Variants in FBXL14 observed in about 807,000 individuals in gnomAD.
FBXL14 encodes F-box and leucine rich repeat protein 14.
Under a neutral mutation model 24.5 loss-of-function variants are expected in FBXL14, and 11 were observed. That is an observed-to-expected ratio of 0.45 (90% CI 0.28 to 0.74). The LOEUF is 0.74. Among genes scored for constraint, FBXL14 ranks in the 30% least tolerant of loss-of-function variants. The pLI, the probability that FBXL14 is intolerant of heterozygous loss-of-function variation, is 0.12. For missense variants in FBXL14, 384 were observed against 545.6 expected (o/e 0.70, Z 2.95); for synonymous variants, 294 against 240.4 (o/e 1.22, Z -2.06).
chr12:1,585,074 T>C (rs2094473801), intron 1 of FBXL14, among the ~76,000 whole-genome samples: 1 of 152,194 alleles, frequency 6.6e-6, no homozygotes. Context: ...TGACTACGTC[T>C]CAGAAAGCCT....
Position 1,593,601 on chromosome 12 carries a change from T to C in FBXL14, c.466A>G (p.Ile156Val). ...EVLELGGCSN[I>V]TNTGLLLIAW... Reference sequence around the variant, plus strand: ...ATGAGCAGAAGGCCAGTGTTGGTGATGTTGCTGCAACCTCCCAGCTCCAGC... The same window carrying C: ...ATGAGCAGAAGGCCAGTGTTGGTGACGTTGCTGCAACCTCCCAGCTCCAGC... The change falls in exon 1 of 2, where the codon ATC becomes GTC. Residue 156 changes from isoleucine to valine, a missense_variant. Coordinates refer to ENST00000339235, the MANE Select transcript of FBXL14 (RefSeq NM_152441.3). This position sits in a 1 kb window ranked among gnomAD's most constrained non-coding sequence, Gnocchi z 7.4. 6.2e-7 allele frequency: 1 copy of C among 1,614,190 alleles called. No homozygotes were observed. The highest frequency in any genetic ancestry group is 8.5e-7 in the Non-Finnish European group (1 of 1,180,018).
rs1375616249 is a variant in FBXL14 at position 1,594,045 on chromosome 12, G to C, written c.22C>G (p.Leu8Val). The C allele has an allele frequency of 1.3e-6, 2 of 1,534,918 alleles. No individual in the cohort carries two copies. The highest frequency in any genetic ancestry group is 1.7e-6 in the Non-Finnish European group (2 of 1,148,762). The change falls in exon 1 of 2, where the codon CTG (leucine) becomes GTG (valine). Residue 8 changes from leucine to valine, a missense_variant. Leu to Val is a conservative substitution (Grantham distance 32, BLOSUM62 1). Transcript: ENST00000339235. ...ATCATGGCCAGCAGCTCCGGGAACA[G>C]GCATGAGATGTGGGTCTCCATCTTC... The part of the protein sequence containing the change: METHISC[L>V]FPELLAMIFG...
At chr12:1,575,505 A>T (rs2094454156) in intron 1 of FBXL14, among the ~76,000 whole-genome samples, 1 of 152,120 alleles carries the variant, frequency 6.6e-6, no homozygotes, top group Non-Finnish European at 1.5e-5. Flanking sequence ...TCCCGTGGGG[A>T]AAACACCCTC....
upstream of FBXL14, among the ~76,000 whole-genome samples, chr12:1,594,810 T>C (rs369427877): frequency 2.3e-3 from 349 of 151,082 alleles, 3 homozygotes; most frequent in East Asian, 0.02. Context: ...CGGCCCCGGC[T>C]CCGCCGCCCT....
At chr12:1,581,850 C>A (rs557387264) in intron 1 of FBXL14, among the ~76,000 whole-genome samples, 1 of 152,298 alleles carries the variant, frequency 6.6e-6, no homozygotes, top group Admixed American at 6.5e-5. Context: ...CAGGGCCGGG[C>A]CTGGTGACTC....
At position 1,566,674 on chromosome 12, in the gene FBXL14, G is replaced by C; in HGVS notation, c.*74C>G. The stretch of plus-strand genomic sequence containing the variant: ...AGGGAAACCTGAGCTGTCATCACCA[G>C]AGTGCCGGAGGCGCAGAGCGGGCAA... On this transcript the variant is annotated 3_prime_UTR_variant, in exon 2 of 2. Transcript: ENST00000339235. The C allele has an allele frequency of 2.6e-6, 2 of 774,228 alleles. No homozygotes were observed. The highest frequency in any genetic ancestry group is 4.9e-5 in the East Asian group (2 of 41,110). 48.0% of individuals were successfully genotyped at this position (774,228 alleles called of 1,614,324 possible).
intron 1 of FBXL14, among the ~76,000 whole-genome samples, chr12:1,573,085 T>C (rs1227790026): frequency 2.6e-5 from 4 of 152,326 alleles, no homozygotes; most frequent in African/African-American, 9.6e-5. Context: ...TGGGATACAC[T>C]AGTAAGAGAT....
At chr12:1,573,205 C>T (rs944111850) in intron 1 of FBXL14, among the ~76,000 whole-genome samples, 6 of 152,092 alleles carry the variant, frequency 3.9e-5, no homozygotes, top group African/African-American at 1.4e-4. Flanking sequence ...TTCCAGAGTG[C>T]AAGGCGCTGT....
At chr12:1,577,515 G>A (rs968791062) in intron 1 of FBXL14, among the ~76,000 whole-genome samples, 1 of 152,162 alleles carries the variant, frequency 6.6e-6, no homozygotes, top group Non-Finnish European at 1.5e-5. Flanking sequence ...TTAACCCTGC[G>A]GTGTGAAGAC....
chr12:1,593,324 T>G lies in FBXL14; in HGVS notation c.743A>C (p.His248Pro). The G allele has an allele frequency of 6.2e-7, 1 of 1,613,486 alleles. No individual in the cohort carries two copies. The highest frequency in any genetic ancestry group is 8.5e-7 in the Non-Finnish European group (1 of 1,180,018). Residue 248 changes from histidine (H) to proline (P), a missense_variant, in exon 1 of 2, where the codon CAC (histidine) becomes CCC (proline). His to Pro is a moderately conservative substitution (Grantham distance 77). Transcript: ENST00000339235. This position sits in a 1 kb window ranked among gnomAD's most constrained non-coding sequence, Gnocchi z 7.4. ...CGGISDAGLL[H>P]LSHMGSLRSL... ...GCGCAGGCTGCCCATGTGCGACAGG[T>G]GCAGGAGGCCAGCGTCCGAGATTCC...
chr12:1,568,173 A>G (rs2094439377), intron 1 of FBXL14, among the ~76,000 whole-genome samples: 1 of 152,226 alleles, frequency 6.6e-6, no homozygotes, highest in South Asian at 2.1e-4. Flanking sequence ...GAGTGAAAAA[A>G]ACACATTACC....
chr12:1,581,396 G>A (rs2094466074), intron 1 of FBXL14, among the ~76,000 whole-genome samples: 1 of 152,172 alleles, frequency 6.6e-6, no homozygotes, highest in African/African-American at 2.4e-5. Flanking sequence ...ATCATCTTGG[G>A]ATTACTGGAG....
intron 1 of FBXL14, among the ~76,000 whole-genome samples, chr12:1,568,003 G>A (rs1167337325): frequency 6.6e-6 from 1 of 152,228 alleles, no homozygotes; most frequent in Admixed American, 6.5e-5. Context: ...AGAAATACTT[G>A]AAATGGTAAT....
intron 1 of FBXL14, among the ~76,000 whole-genome samples, chr12:1,575,215 C>T (rs539835565): frequency 4.6e-5 from 7 of 152,192 alleles, no homozygotes; most frequent in Non-Finnish European, 7.3e-5. Flanking sequence ...CCCTACAGCT[C>T]CATCCTCCTT....
intron 1 of FBXL14, among the ~76,000 whole-genome samples, chr12:1,592,245 G>A (rs576720807): frequency 1.2e-3 from 178 of 147,120 alleles, no homozygotes; most frequent in Non-Finnish European, 1.9e-3. Context: ...ATATTCAGCA[G>A]AAAAAAGGAC....
In FBXL14 at chr12:1,593,668, G is replaced by A. The variant is rs759309510; in HGVS notation, c.399C>T (p.Ser133=). 7.4e-6 allele frequency: 12 copies of A among 1,614,184 alleles called. No individual in the cohort carries two copies. In the South Asian group the frequency reaches 7.7e-5, roughly 10 times the overall value. The part of the protein sequence containing the change: ...NLSLCKQITD[S]SLGRIAQYLK... ...GGTACTGGGCTATGCGGCCCAGGCT[G>A]CTGTCAGTGATCTGCTTGCAGAGGC... The change falls in exon 1 of 2, where the codon AGC becomes AGT. Residue 133 remains serine (S), a synonymous_variant. Transcript: ENST00000339235. The surrounding 1 kb of genome is among the most constrained non-coding windows in gnomAD (Gnocchi z 7.4).
chr12:1,591,497 A>C (rs2094489948), intron 1 of FBXL14, among the ~76,000 whole-genome samples: 2 of 152,164 alleles, frequency 1.3e-5, no homozygotes, highest in African/African-American at 2.4e-5. Flanking sequence ...TAATTGATAA[A>C]GGTCTCTGGG....
upstream of FBXL14, among the ~76,000 whole-genome samples, chr12:1,594,736 C>T (rs1476257826): frequency 6.7e-6 from 1 of 149,756 alleles, no homozygotes; most frequent in Non-Finnish European, 1.5e-5. Context: ...GCCGTCCGGC[C>T]GGAGCGCGGC....
chr12:1,581,949 A>G (rs2094467163), intron 1 of FBXL14, among the ~76,000 whole-genome samples: 1 of 152,044 alleles, frequency 6.6e-6, no homozygotes, highest in African/African-American at 2.4e-5. Context: ...ACATGGCAAA[A>G]CCCTGTCTCT....
Sources: gnomAD v4.1 joint callset for allele counts (sites outside exome capture counted in the v4.1 genomes callset) on GRCh38, gnomAD v4.1.1 for gene constraint, Gnocchi (gnomAD v3.1) non-coding constraint, MANE v1.5 for transcripts, NCBI Gene and HGNC (gene_info 2026-07-23, HGNC 2026-07-21) for gene names.